The following OSMR variants were observed in gnomAD, a reference collection of about 807,000 sequenced individuals.
The protein encoded by OSMR is oncostatin M receptor.
OSMR carries 81 observed loss-of-function variants against 99.9 expected under a neutral mutation model. The observed-to-expected ratio is 0.81, with a 90% CI of 0.68 to 0.97. OSMR has a LOEUF of 0.97. Ranked by LOEUF, OSMR falls within the 50% of genes least tolerant of loss-of-function variation. OSMR has a pLI of 0.00. For synonymous variants in OSMR, 406 were observed against 410.4 expected, an observed-to-expected ratio of 0.99 and a Z score of 0.13; for missense variants, 1,099 against 1,153.4, an observed-to-expected ratio of 0.95 and a Z score of 0.68.
chr5:38,856,345 T>C (rs1257375557), intron 1 of OSMR, among the ~76,000 whole-genome samples: 2 of 152,232 alleles, frequency 1.3e-5, no homozygotes, highest in African/African-American at 4.8e-5. Flanking sequence ...TTATTGATTT[T>C]AGCAGAAGGT....
intron 15 of OSMR, among the ~76,000 whole-genome samples, chr5:38,926,242 C>T (rs2112674639): frequency 6.6e-6 from 1 of 152,324 alleles, no homozygotes; most frequent in Middle Eastern, 3.4e-3. Context: ...GGTGCCCTCA[C>T]TGAAGCTGCA....
intron 9 of OSMR, among the ~76,000 whole-genome samples, chr5:38,908,973 A>G (rs1561392397): frequency 6.6e-6 from 1 of 152,234 alleles, no homozygotes; most frequent in Non-Finnish European, 1.5e-5. Flanking sequence ...AACAAAGATC[A>G]TCAACATCCA....
chr5:38,944,644 T>C (rs1747972489), intron 2 of OSMR: 2 of 1,309,638 alleles, frequency 1.5e-6, no homozygotes, highest in Admixed American at 2.3e-5. Flanking sequence ...AAATTTATTT[T>C]TAAACTTCAC....
chr5:38,943,058 T>C (rs1747764564), intron 1 of OSMR: 1 of 932,322 alleles, frequency 1.1e-6, no homozygotes, highest in African/African-American at 1.6e-5. Context: ...TAAAAATAGA[T>C]TTCCCTACAG....
intron 7 of OSMR, 56 bp from the exon 8 acceptor site, chr5:38,903,826 A>G (rs1745045592): frequency 6.3e-7 from 1 of 1,575,452 alleles, no homozygotes; most frequent in South Asian, 1.2e-5. Context: ...CCTATTACCA[A>G]TGTCTTTTTG....
chr5:38,914,819 C>A (rs1279138510), intron 9 of OSMR, among the ~76,000 whole-genome samples: 2 of 152,006 alleles, frequency 1.3e-5, no homozygotes, highest in Non-Finnish European at 2.9e-5. Context: ...ACAATAGACA[C>A]TGGGGACTAC....
At chr5:38,862,707 C>T (rs1356165993) in intron 1 of OSMR, among the ~76,000 whole-genome samples, 2 of 151,840 alleles carry the variant, frequency 1.3e-5, no homozygotes, top group Non-Finnish European at 2.9e-5. Flanking sequence ...ACGCTCCTCA[C>T]TTCCTAGATG....
intron 14 of OSMR, 77 bp from the exon 15 acceptor site, chr5:38,925,127 T>C: frequency 6.3e-7 from 1 of 1,589,032 alleles, no homozygotes; most frequent in South Asian, 1.1e-5. Flanking sequence ...AGTGTCCAGC[T>C]CTCTCACAAG....
rs755806903 is a variant in OSMR at position 38,849,469 on chromosome 5, TTTG to T, written c.-14+3085_-14+3087del. Among the ~76,000 whole-genome samples the T allele has an allele frequency of 2.1e-3, 182 of 88,116 alleles. 1 individual carries two copies. Among genetic ancestry groups the T allele is most frequent in the South Asian group, 0.013 (25 of 1,874 alleles). 57.8% of individuals were successfully genotyped at this position (88,116 alleles called of 152,430 possible). A position where few individuals can be genotyped will look rare whatever the true frequency, so the allele number is the denominator to read the frequency against. ...TCTGTTTCATTGATCTTTTTTTTTGTTTGTTTTTCCCTAAACCAATATTACTCT... is the reference window on the plus strand; with the variant it reads ...TCTGTTTCATTGATCTTTTTTTTTGTTTTTTCCCTAAACCAATATTACTCT... On this transcript the variant is annotated intron_variant, in intron 1 of 17. Transcript: ENST00000274276.
intron 7 of OSMR, among the ~76,000 whole-genome samples, chr5:38,890,144 T>C (rs1424200500): frequency 1.3e-5 from 2 of 152,240 alleles, no homozygotes; most frequent in African/African-American, 4.8e-5. Flanking sequence ...TACGTGTTCA[T>C]TGAAATTGTT....
At chr5:38,880,568 G>C (rs1743199921) in intron 3 of OSMR, among the ~76,000 whole-genome samples, 1 of 152,218 alleles carries the variant, frequency 6.6e-6, no homozygotes, top group Non-Finnish European at 1.5e-5. Flanking sequence ...AGAGGAAAGA[G>C]CAAGAAAGCC....
chr5:38,852,859 T>G (rs1740519262), intron 1 of OSMR, among the ~76,000 whole-genome samples: 1 of 149,638 alleles, frequency 6.7e-6, no homozygotes, highest in Admixed American at 6.8e-5. Flanking sequence ...GCCTCCCGAG[T>G]AGCTGGGATT....
intron 1 of OSMR, among the ~76,000 whole-genome samples, chr5:38,861,949 G>A (rs1235831710): frequency 4.9e-5 from 6 of 122,480 alleles, no homozygotes; most frequent in East Asian, 3.8e-4. Context: ...CCACCCGGAC[G>A]GGGTGGCTGG....
intron 1 of OSMR, among the ~76,000 whole-genome samples, chr5:38,850,231 C>T (rs1463334418): frequency 6.6e-6 from 1 of 152,120 alleles, no homozygotes; most frequent in East Asian, 1.9e-4. Flanking sequence ...TACTGCTGGT[C>T]CTTTGTCCAC....
chr5:38,861,556 C>T (rs1293187808), intron 1 of OSMR, among the ~76,000 whole-genome samples: 2 of 152,244 alleles, frequency 1.3e-5, no homozygotes, highest in East Asian at 1.9e-4. Context: ...ATTTCTCAAT[C>T]TTTTCCCCAC....
chr5:38,904,593 AAG>A (rs1308014542), intron 9 of OSMR, 90 bp downstream of exon 9: 1 of 1,512,568 alleles, frequency 6.6e-7, no homozygotes, highest in African/African-American at 1.4e-5. Context: ...ACCAAAAACT[AAG>A]AGAAAAATAT....
At chr5:38,920,937 C>T (rs967852502) in intron 11 of OSMR, among the ~76,000 whole-genome samples, 1 of 152,154 alleles carries the variant, frequency 6.6e-6, no homozygotes, top group African/African-American at 2.4e-5. Context: ...GTGTGCATAT[C>T]TTTATATAAC....
chr5:38,847,926 C>T (rs1294587615), intron 1 of OSMR, among the ~76,000 whole-genome samples: 3 of 152,192 alleles, frequency 2.0e-5, no homozygotes, highest in Non-Finnish European at 4.4e-5. Context: ...CACATAAACA[C>T]TGGTTCTTTC....
intron 2 of OSMR, among the ~76,000 whole-genome samples, chr5:38,874,829 TAAAAAATTGCTGTCTAACAG>T (rs1742680503): frequency 6.6e-6 from 1 of 152,204 alleles, no homozygotes; most frequent in Non-Finnish European, 1.5e-5. Context: ...TTTCCTTATC[TAAAAAATTGCTGTCTAACAG>T]TTTTATAGTA....
Sources: gnomAD v4.1 joint callset for allele counts (sites outside exome capture counted in the v4.1 genomes callset) on GRCh38, gnomAD v4.1.1 for gene constraint, MANE v1.5 for transcripts, NCBI Gene and HGNC (gene_info 2026-07-23, HGNC 2026-07-21) for gene names.